MYO18B: variants seen among roughly 807,000 people sequenced by gnomAD.
The protein encoded by MYO18B is myosin XVIIIB, also known as unconventional myosin-XVIIIb.
MYO18B carries 204 observed loss-of-function variants against 273.0 expected under a neutral mutation model. That is an observed-to-expected ratio of 0.75 (90% CI 0.67 to 0.84). The LOEUF is 0.84. Among genes scored for constraint, MYO18B ranks in the 40% least tolerant of loss-of-function variants. MYO18B has a pLI of 0.00. For synonymous variants in MYO18B, 1,330 were observed against 1,305.7 expected (o/e 1.02, Z -0.40); for missense variants, 3,212 against 3,287.6 (o/e 0.98, Z 0.56).
chr22:25,867,613 A>T (rs1041744255), intron 21 of MYO18B, among the ~76,000 whole-genome samples: 1 of 103,974 alleles, frequency 9.6e-6, no homozygotes, highest in Non-Finnish European at 2.0e-5. Context: ...TCTCTTCAAG[A>T]CCCTGATTTC....
chr22:25,880,021 T>C (rs944199553), intron 25 of MYO18B, among the ~76,000 whole-genome samples: 3 of 152,166 alleles, frequency 2.0e-5, no homozygotes, highest in Admixed American at 6.5e-5. Flanking sequence ...GGATTACAAT[T>C]TGATATGAGG....
intron 12 of MYO18B, among the ~76,000 whole-genome samples, chr22:25,821,432 A>T (rs2089277383): frequency 1.3e-5 from 2 of 151,786 alleles, no homozygotes; most frequent in East Asian, 3.9e-4. Context: ...ACATTTTTTC[A>T]TGTATTTGTT....
the MYO18B span, among the ~76,000 whole-genome samples, chr22:26,036,893 G>A: frequency 7.2e-4 from 110 of 152,350 alleles, no homozygotes; most frequent in African/African-American, 2.5e-3. Context: ...CGAGTGAGGA[G>A]AGAGAACGTA....
At chr22:25,787,272 G>GCGCACACACACACACACACA (rs1482737296) in intron 11 of MYO18B, among the ~76,000 whole-genome samples, 2 of 136,712 alleles carry the variant, frequency 1.5e-5, no homozygotes, top group South Asian at 5.7e-4. Flanking sequence ...GCAGGCGCGC[G>GCGCACACACACACACACACA]CACACACACA....
At chr22:25,978,163 G>A (rs184624786) in intron 39 of MYO18B, among the ~76,000 whole-genome samples, 118 of 152,322 alleles carry the variant, frequency 7.7e-4, no homozygotes, top group African/African-American at 2.4e-3. Context: ...ATTCCTATCT[G>A]ATGGGATATC....
At chr22:26,017,041 C>A (rs1190311668) in intron 42 of MYO18B, among the ~76,000 whole-genome samples, 2 of 53,176 alleles carry the variant, frequency 3.8e-5, no homozygotes, top group African/African-American at 1.2e-4. Context: ...TCCTTCCTTC[C>A]TTCCTTCCTT....
At chr22:26,020,354 C>T in intron 42 of MYO18B, among the ~76,000 whole-genome samples, 1 of 152,016 alleles carries the variant, frequency 6.6e-6, no homozygotes, top group Non-Finnish European at 1.5e-5. Flanking sequence ...ATGGTCCAAG[C>T]AGGAGACACT....
intron 7 of MYO18B, among the ~76,000 whole-genome samples, chr22:25,773,180 C>T (rs556198813): frequency 6.6e-6 from 1 of 152,208 alleles, no homozygotes. Context: ...TGGGCCCCTT[C>T]ATTCCTTCAA....
chr22:26,061,993 G>A, the MYO18B span, among the ~76,000 whole-genome samples: 12 of 152,312 alleles, frequency 7.9e-5, no homozygotes, highest in Non-Finnish European at 1.8e-4. Flanking sequence ...TAAAATAAGA[G>A]GCAATTGAGA....
intron 25 of MYO18B, chr22:25,884,581 G>A (rs1260662615): frequency 6.6e-6 from 1 of 152,142 alleles, no homozygotes; most frequent in African/African-American, 2.4e-5. Context: ...AAGAACAGCT[G>A]GTGTATTCTT....
intron 33 of MYO18B, among the ~76,000 whole-genome samples, chr22:25,912,990 C>A (rs1430385076): frequency 6.6e-6 from 1 of 152,126 alleles, no homozygotes; most frequent in Non-Finnish European, 1.5e-5. Context: ...TTTTTAAAAT[C>A]TCCTACTTCT....
At chr22:26,053,058 C>T in the MYO18B span, among the ~76,000 whole-genome samples, 3 of 152,026 alleles carry the variant, frequency 2.0e-5, no homozygotes, top group African/African-American at 7.3e-5. Flanking sequence ...CCACCCGCCT[C>T]GAACTCCCAA....
At chr22:25,929,236 G>A (rs10427777) in intron 34 of MYO18B, among the ~76,000 whole-genome samples, 21,073 of 151,000 alleles carry the variant, frequency 0.14, 2,183 homozygotes, top group African/African-American at 0.29. Flanking sequence ...TTCATTCACC[G>A]GTGTCAGCTA....
intron 33 of MYO18B, among the ~76,000 whole-genome samples, chr22:25,913,757 C>T (rs376969900): frequency 1.1e-3 from 160 of 152,276 alleles, no homozygotes; most frequent in African/African-American, 3.6e-3. Context: ...ATACAAGATG[C>T]GAATCCATTT....
intron 12 of MYO18B, among the ~76,000 whole-genome samples, chr22:25,802,432 C>G (rs1008746404): frequency 6.6e-6 from 1 of 152,122 alleles, no homozygotes; most frequent in Admixed American, 6.5e-5. Flanking sequence ...CAATCTCCAG[C>G]TCTTCTGTCA....
chr22:25,840,162 G>A (rs1601309649), intron 17 of MYO18B, among the ~76,000 whole-genome samples: 1 of 152,142 alleles, frequency 6.6e-6, no homozygotes, highest in African/African-American at 2.4e-5. Flanking sequence ...AACCCTGGGC[G>A]CTCCCCGAGG....
In MYO18B at chr22:25,961,806, A is replaced by G. The variant is rs35651365; in HGVS notation, c.6156+6442A>G. On this transcript the variant is annotated intron_variant, in intron 39 of 43. Transcript: ENST00000335473. ...GGGACCTCATAGGAGGTGTTTGGGC[A>G]GATCCCTCATGAATGGCTTGGTGCC... is the stretch of plus-strand genomic sequence containing the variant. 2.6e-3 allele frequency among the ~76,000 whole-genome samples: 400 copies of G among 152,320 alleles called. 1 individual carries two copies. Among genetic ancestry groups the G allele is most frequent in the Non-Finnish European group, 4.5e-3 (309 of 68,028 alleles).
intron 11 of MYO18B, among the ~76,000 whole-genome samples, chr22:25,787,309 C>G (rs5761181): frequency 0.017 from 2,453 of 144,736 alleles, 34 homozygotes; most frequent in Non-Finnish European, 0.026. Flanking sequence ...CACACACACA[C>G]AGTCTGTCTT....
chr22:25,991,600 T>C (rs2093271138), intron 39 of MYO18B, among the ~76,000 whole-genome samples: 1 of 152,188 alleles, frequency 6.6e-6, no homozygotes, highest in Non-Finnish European at 1.5e-5. Context: ...CCAGAAAGTA[T>C]TGATCACGAA....
Sources: gnomAD v4.1 joint callset for allele counts (sites outside exome capture counted in the v4.1 genomes callset) on GRCh38, gnomAD v4.1.1 for gene constraint, MANE v1.5 for transcripts, NCBI Gene and HGNC (gene_info 2026-07-23, HGNC 2026-07-21) for gene names.